Variants in ZNF727 observed in about 807,000 individuals in gnomAD.
ZNF727 encodes zinc finger protein 727.
Under a neutral mutation model 11.5 loss-of-function variants are expected in ZNF727, and 11 were observed. The observed-to-expected ratio is 0.95, with a 90% CI of 0.60 to 1.58. The LOEUF is 1.58. Among genes scored for constraint, ZNF727 ranks in the 40% most tolerant of loss-of-function variants. ZNF727 has a pLI of 0.00. For synonymous variants in ZNF727, 171 were observed against 196.1 expected (o/e 0.87, Z 1.07); for missense variants, 533 against 581.7 (o/e 0.92, Z 0.86).
chr7:64,068,899 A>G lies in ZNF727; in HGVS notation c.12A>G (p.Leu4=), dbSNP rs1321976911. The G allele has an allele frequency of 1.9e-5, 31 of 1,597,634 alleles. 1 individual carries two copies. Among genetic ancestry groups the G allele is most frequent in the African/African-American group, 2.7e-5 (2 of 74,312 alleles). The change falls in exon 2 of 4, where the codon CTA becomes CTG. Residue 4 remains leucine (L), a synonymous_variant. Coordinates refer to ENST00000456806, the MANE Select transcript of ZNF727 (RefSeq NM_001159522.3). ...TATGTTTTGTTTTTCAGCGAGTGCTAACATTCAGGGATGTGGCTGTAGAAT... is the reference window on the plus strand; with the variant it reads ...TATGTTTTGTTTTTCAGCGAGTGCTGACATTCAGGGATGTGGCTGTAGAAT... MRV[L]TFRDVAVEFS...
intron 1 of ZNF727, among the ~76,000 whole-genome samples, chr7:64,050,778 G>GTC (rs1221012791): frequency 7.0e-5 from 1 of 14,354 alleles, no homozygotes; most frequent in African/African-American, 1.6e-4. Flanking sequence ...GCATATGTAT[G>GTC]TGTGTGTGTG....
At chr7:64,063,599 C>G (rs1403709034) in intron 1 of ZNF727, among the ~76,000 whole-genome samples, 6 of 146,132 alleles carry the variant, frequency 4.1e-5, no homozygotes, top group Admixed American at 6.8e-5. Flanking sequence ...AGGACTGGCT[C>G]TCACATAAGG....
intron 3 of ZNF727, among the ~76,000 whole-genome samples, chr7:64,075,731 T>C (rs1251418309): frequency 1.3e-5 from 2 of 151,974 alleles, no homozygotes; most frequent in Non-Finnish European, 2.9e-5. Flanking sequence ...AGACCACTAG[T>C]GGAGGAAGGG....
intron 1 of ZNF727, among the ~76,000 whole-genome samples, chr7:64,068,491 A>G (rs2116311891): frequency 6.6e-6 from 1 of 152,242 alleles, no homozygotes; most frequent in Middle Eastern, 3.4e-3. Flanking sequence ...TCAGAGTCAA[A>G]ATCTGCTTTT....
At position 64,078,422 on chromosome 7, in the gene ZNF727, G is replaced by A; in HGVS notation, c.1373G>A (p.Gly458Asp). The change falls in exon 4 of 4, where the codon GGC (glycine) becomes GAC (aspartate). Residue 458 changes from glycine (G) to aspartate (D), a missense_variant. Physicochemically the swap from Gly to Asp is moderately conservative, Grantham distance 94. Transcript: ENST00000456806. ...AAGCCCTACAAATGTGAAGAATGTG[G>A]CAAAACCTTTACCTGCTCCTCAAGC... The part of the protein sequence containing the change: ...GEKPYKCEEC[G>D]KTFTCSSSLI... 2 of 1,590,876 alleles carry A rather than the reference G, an allele frequency of 1.3e-6. No homozygotes were observed. The highest frequency in any genetic ancestry group is 1.7e-6 in the Non-Finnish European group (2 of 1,168,418).
chr7:64,045,920 G>C (rs1372808495), intron 1 of ZNF727, among the ~76,000 whole-genome samples: 1 of 152,200 alleles, frequency 6.6e-6, no homozygotes, highest in Non-Finnish European at 1.5e-5. Context: ...GTCATAAGAC[G>C]AGAATCCTCA....
chr7:64,075,116 C>T (rs1303869549), intron 3 of ZNF727, among the ~76,000 whole-genome samples: 8 of 152,008 alleles, frequency 5.3e-5, no homozygotes, highest in African/African-American at 2.4e-5. Flanking sequence ...TTACTGCATA[C>T]AAAATGTTAT....
intron 3 of ZNF727, among the ~76,000 whole-genome samples, chr7:64,072,983 T>C (rs1427717676): frequency 6.6e-6 from 1 of 152,174 alleles, no homozygotes; most frequent in Non-Finnish European, 1.5e-5. Flanking sequence ...GGATTACAGG[T>C]GTGAACCACC....
intron 1 of ZNF727, among the ~76,000 whole-genome samples, chr7:64,063,940 AC>A: frequency 6.6e-6 from 1 of 152,170 alleles, no homozygotes; most frequent in Non-Finnish European, 1.5e-5. Flanking sequence ...CTTCCAGGCT[AC>A]TGCTGATATC....
At chr7:64,049,770 T>C (rs1789562468) in intron 1 of ZNF727, among the ~76,000 whole-genome samples, 1 of 151,426 alleles carries the variant, frequency 6.6e-6, no homozygotes, top group Admixed American at 6.6e-5. Flanking sequence ...TATTTAGAGA[T>C]AATCTAGATG....
intron 1 of ZNF727, among the ~76,000 whole-genome samples, chr7:64,059,434 A>C (rs1562792385): frequency 6.6e-6 from 1 of 152,200 alleles, no homozygotes. Flanking sequence ...TAGAAATAAG[A>C]ACTTAACTTT....
intron 1 of ZNF727, among the ~76,000 whole-genome samples, chr7:64,058,066 C>G (rs1789713917): frequency 6.6e-6 from 1 of 152,148 alleles, no homozygotes; most frequent in South Asian, 2.1e-4. Flanking sequence ...AGTTGTTTTG[C>G]TCATGTTTTT....
chr7:64,054,026 A>G (rs1377593668), intron 1 of ZNF727, among the ~76,000 whole-genome samples: 3 of 152,228 alleles, frequency 2.0e-5, no homozygotes, highest in Non-Finnish European at 4.4e-5. Flanking sequence ...CCATCTGGGC[A>G]TAAATACCCT....
At chr7:64,067,694 A>T (rs1789891646) in intron 1 of ZNF727, among the ~76,000 whole-genome samples, 1 of 152,174 alleles carries the variant, frequency 6.6e-6, no homozygotes, top group Non-Finnish European at 1.5e-5. Context: ...CAATGAGAAC[A>T]TGTGGACACA....
chr7:64,079,320 A>C lies in ZNF727; in HGVS notation c.*771A>C, dbSNP rs1785747138. 6.6e-6 allele frequency among the ~76,000 whole-genome samples: 1 copy of C among 152,242 alleles called. No homozygotes were observed. The highest frequency in any genetic ancestry group is 2.4e-5 in the African/African-American group (1 of 41,472). ...CAGAGACTTACTACTGAACAAATGT[A>C]GTATAAAGGTAATGACTTGAAGAAC... On this transcript the variant is annotated 3_prime_UTR_variant, in exon 4 of 4. Transcript: ENST00000456806.
At chr7:64,059,200 C>A (rs1789733426) in intron 1 of ZNF727, among the ~76,000 whole-genome samples, 1 of 152,116 alleles carries the variant, frequency 6.6e-6, no homozygotes, top group African/African-American at 2.4e-5. Flanking sequence ...GCCTCAGTCT[C>A]CCAAAGTGCT....
At chr7:64,070,666 A>G (rs1789946105) in intron 3 of ZNF727, among the ~76,000 whole-genome samples, 1 of 152,072 alleles carries the variant, frequency 6.6e-6, no homozygotes, top group African/African-American at 2.4e-5. Context: ...CTCAGCAAAT[A>G]TTCAGCATAC....
At chr7:64,053,360 C>G (rs1047704129) in intron 1 of ZNF727, among the ~76,000 whole-genome samples, 2 of 151,982 alleles carry the variant, frequency 1.3e-5, no homozygotes, top group African/African-American at 2.4e-5. Flanking sequence ...TCACTCTGTC[C>G]CCCAGGCTGG....
intron 3 of ZNF727, 57 bp from the exon 4 acceptor site, chr7:64,077,219 G>A: frequency 7.1e-7 from 1 of 1,409,948 alleles, no homozygotes; most frequent in Non-Finnish European, 9.4e-7. Context: ...TATTTGTAAA[G>A]TGTATTCACC....
Sources: allele counts gnomAD v4.1 joint callset (sites outside exome capture counted in the v4.1 genomes callset), GRCh38; gene constraint gnomAD v4.1.1; transcripts MANE v1.5; gene names NCBI Gene and HGNC (gene_info 2026-07-23, HGNC 2026-07-21).